Variants in BCAR1 observed in about 807,000 individuals in gnomAD.
BCAR1 encodes the protein breast cancer anti-estrogen resistance protein 1.
A neutral mutation model predicts 67.6 loss-of-function variants in BCAR1; 30 were observed. The observed-to-expected ratio is 0.44, with a 90% CI of 0.33 to 0.60. The LOEUF (loss-of-function observed/expected upper bound fraction) is 0.60, where lower values mean the gene tolerates loss of function less well. BCAR1 is among the 20% of genes least tolerant of loss of function. The pLI, the probability that BCAR1 is intolerant of heterozygous loss-of-function variation, is 0.02. For synonymous variants in BCAR1, 626 were observed against 556.7 expected (o/e 1.12, Z -1.75); for missense variants, 1,313 against 1,222.3 (o/e 1.07, Z -1.11).
At chr16:75,251,439 G>A (rs918476490) in intron 1 of BCAR1, 32 bp downstream of exon 1, 5 of 1,467,100 alleles carry the variant, frequency 3.4e-6, no homozygotes, top group African/African-American at 1.5e-5. Context: ...CTCCAAGCCC[G>A]TACGCGGCCC....
chr16:75,251,465 C>G lies in BCAR1; in HGVS notation c.12+6G>C. 1 of 1,449,084 alleles carries G rather than the reference C, an allele frequency of 6.9e-7. No homozygotes were observed. The highest frequency in any genetic ancestry group is 9.1e-7 in the Non-Finnish European group (1 of 1,100,278). The allele number at this position is 1,449,084 out of a possible 1,614,324, so 89.8% of individuals were successfully genotyped here. A position where few individuals can be genotyped will look rare whatever the true frequency, so the allele number is the denominator to read the frequency against. On this transcript the variant is annotated splice_donor_region_variant and intron_variant, in intron 1 of 6. Coordinates refer to ENST00000162330, the MANE Select transcript of BCAR1 (RefSeq NM_014567.5). ...TACGCGGCCCGGCCCCACCTGGCGC[C>G]CTCACCAGGTGGTTCATGGTGTCCG... is the stretch of plus-strand genomic sequence containing the variant.
Position 75,237,011 on chromosome 16 carries a change from CAG to C in BCAR1, c.796-15_796-14del. 6.3e-7 allele frequency: 1 copy of C among 1,589,196 alleles called. No homozygotes were observed. Among genetic ancestry groups the C allele is most frequent in the Non-Finnish European group, 8.6e-7 (1 of 1,166,044 alleles). ...GTGTGTCATACACCTGGGGCAGAAA[CAG>C]TGCAGGGTTAACGGCGCCAGGGCCA... On this transcript the variant is annotated splice_polypyrimidine_tract_variant and intron_variant, in intron 3 of 6. Coordinates refer to ENST00000162330, the MANE Select transcript of BCAR1 (RefSeq NM_014567.5).
At chr16:75,259,692 A>C (rs2078000005) in intron 1 of BCAR1, among the ~76,000 whole-genome samples, 1 of 151,734 alleles carries the variant, frequency 6.6e-6, no homozygotes, top group South Asian at 2.1e-4. Flanking sequence ...CTCTACTAAA[A>C]ACACAAAAAA....
At chr16:75,239,189 G>A (rs955199673) in intron 2 of BCAR1, 2 of 886,358 alleles carry the variant, frequency 2.3e-6, no homozygotes, top group African/African-American at 3.6e-5. Flanking sequence ...GCTAATCACA[G>A]GCCACCCTGC....
At position 75,229,651 on chromosome 16, in the gene BCAR1, C is replaced by T. The variant is rs201441367; in HGVS notation, c.2473G>A (p.Gly825Ser). ...GCGGCCTTGGTGGTGGCCACGATGCCGCGCAGGAGGTCGCACAGCAGGTTG... is the reference window on the plus strand; with the variant it reads ...GCGGCCTTGGTGGTGGCCACGATGCTGCGCAGGAGGTCGCACAGCAGGTTG... The part of the protein sequence containing the change: ...YSNLLCDLLR[G>S]IVATTKAAAL... The change falls in exon 7 of 7, where the codon GGC becomes AGC. Residue 825 changes from glycine (G) to serine (S), a missense_variant. Transcript: ENST00000162330. 34 of 1,612,600 alleles carry T rather than the reference C, an allele frequency of 2.1e-5. No homozygotes were observed. Among genetic ancestry groups the T allele is most frequent in the Middle Eastern group, 1.6e-4 (1 of 6,082 alleles).
chr16:75,246,650 T>G (rs2077531927), intron 1 of BCAR1: 1 of 152,306 alleles, frequency 6.6e-6, no homozygotes, highest in African/African-American at 2.4e-5. Context: ...TCAGTGAACG[T>G]CATCCGCACA....
chr16:75,256,551 G>A (rs545095102), upstream of BCAR1, among the ~76,000 whole-genome samples: 1 of 152,228 alleles, frequency 6.6e-6, no homozygotes, highest in Non-Finnish European at 1.5e-5. Flanking sequence ...CCAAGTCCTG[G>A]CCTGCATCCC....
upstream of BCAR1, among the ~76,000 whole-genome samples, chr16:75,255,379 G>T (rs1318452573): frequency 6.6e-6 from 1 of 152,146 alleles, no homozygotes; most frequent in Non-Finnish European, 1.5e-5. Flanking sequence ...TCTCTGGAGG[G>T]CCAATGAGAG....
At chr16:75,242,049 CAGA>C (rs113191279) in intron 2 of BCAR1, among the ~76,000 whole-genome samples, 2 of 152,322 alleles carry the variant, frequency 1.3e-5, no homozygotes, top group African/African-American at 4.8e-5. Context: ...CAGGGGCGGC[CAGA>C]AGATGTGCCG....
At chr16:75,234,197 A>C (rs2077014050) in intron 5 of BCAR1, among the ~76,000 whole-genome samples, 1 of 135,228 alleles carries the variant, frequency 7.4e-6, no homozygotes, top group Non-Finnish European at 1.6e-5. Flanking sequence ...ACACACACAC[A>C]CACACTCCCC....
At chr16:75,248,412 T>C (rs2077584402) in intron 1 of BCAR1, 1 of 1,133,310 alleles carries the variant, frequency 8.8e-7, no homozygotes, top group Admixed American at 3.8e-5. Flanking sequence ...AGAGCCTCCG[T>C]GGCCAACGGA....
chr16:75,228,920 ACTC>A lies in BCAR1; in HGVS notation c.*588_*590del, dbSNP rs1468630854. On this transcript the variant is annotated 3_prime_UTR_variant, in exon 7 of 7. Coordinates refer to ENST00000162330, the MANE Select transcript of BCAR1 (RefSeq NM_014567.5). Reference sequence around the variant, plus strand: ...CCTTGGTTTTCTTCTAGAGAGACCCACTCCTCCTCTGCCCTCCCGGGAGATGCC... The same window carrying A: ...CCTTGGTTTTCTTCTAGAGAGACCCACTCCTCTGCCCTCCCGGGAGATGCC... 2 of 151,650 alleles carry A rather than the reference ACTC, an allele frequency of 1.3e-5. No individual in the cohort carries two copies. Among genetic ancestry groups the A allele is most frequent in the East Asian group, 3.9e-4 (2 of 5,114 alleles). The allele number at this position is 151,650 out of a possible 1,614,324, so 9.4% of individuals were successfully genotyped here.
At chr16:75,234,160 G>GACACACACACACACACAC (rs1296996116) in intron 5 of BCAR1, among the ~76,000 whole-genome samples, 4 of 87,804 alleles carry the variant, frequency 4.6e-5, no homozygotes, top group African/African-American at 1.6e-4. Flanking sequence ...GGGGCAGGCA[G>GACACACACACACACACAC]ACAGACACAC....
chr16:75,236,339 CA>C (rs1331354060), intron 4 of BCAR1: 2 of 375,392 alleles, frequency 5.3e-6, no homozygotes, highest in Non-Finnish European at 9.6e-6. Context: ...TGCAGACACT[CA>C]CTGAAAGGTT....
At position 75,237,267 on chromosome 16, in the gene BCAR1, C is replaced by A; in HGVS notation, c.711G>T (p.Pro237=). Reference sequence around the variant, plus strand: ...GTGGCCCCGGGGCCAGCAGGTGTCGCGGGATGTCGTACTCGTCCTGCTCCG... The same window carrying A: ...GTGGCCCCGGGGCCAGCAGGTGTCGAGGGATGTCGTACTCGTCCTGCTCCG... ...AQPEQDEYDI[P]RHLLAPGPQD... is the part of the protein sequence containing the mutation. Residue 237 remains proline, a synonymous_variant, in exon 3 of 7, where the codon CCG becomes CCT. Transcript: ENST00000162330. 6.6e-7 allele frequency: 1 copy of A among 1,524,882 alleles called. No homozygotes were observed. The highest frequency in any genetic ancestry group is 8.8e-7 in the Non-Finnish European group (1 of 1,141,060). 94.5% of individuals were successfully genotyped at this position (1,524,882 alleles called of 1,614,324 possible). A position where few individuals can be genotyped will look rare whatever the true frequency, so the allele number is the denominator to read the frequency against.
chr16:75,266,615 TG>T, intron 1 of BCAR1: 1 of 838,100 alleles, frequency 1.2e-6, no homozygotes, highest in Non-Finnish European at 1.6e-6. Context: ...CTGCAGCCAC[TG>T]GGCACGTGCA....
At chr16:75,240,212 G>A (rs1204526645) in intron 2 of BCAR1, among the ~76,000 whole-genome samples, 4 of 152,138 alleles carry the variant, frequency 2.6e-5, no homozygotes, top group East Asian at 1.9e-4. Flanking sequence ...TCCCGCCCAC[G>A]TGAAGTCCTG....
At chr16:75,258,780 G>A (rs2077834250) in intron 1 of BCAR1, among the ~76,000 whole-genome samples, 1 of 152,252 alleles carries the variant, frequency 6.6e-6, no homozygotes, top group Non-Finnish European at 1.5e-5. Flanking sequence ...CCCAGATGCT[G>A]GGGCCAGGGA....
chr16:75,244,516 G>C (rs866496770), intron 1 of BCAR1, among the ~76,000 whole-genome samples: 39 of 152,376 alleles, frequency 2.6e-4, no homozygotes, highest in African/African-American at 8.9e-4. Context: ...ATCAGAGGGC[G>C]ATGGCATACC....
Sources: allele counts gnomAD v4.1 joint callset (sites outside exome capture counted in the v4.1 genomes callset), GRCh38; gene constraint gnomAD v4.1.1; transcripts MANE v1.5; gene names NCBI Gene and HGNC (gene_info 2026-07-23, HGNC 2026-07-21).